ZNF44: variants seen among roughly 807,000 people sequenced by gnomAD.
ZNF44 encodes the protein gonadotropin inducible transcription repressor-2.
A neutral mutation model predicts 11.7 loss-of-function variants in ZNF44; 9 were observed. That is an observed-to-expected ratio of 0.77 (90% confidence interval 0.46 to 1.35). The LOEUF (loss-of-function observed/expected upper bound fraction) is 1.35. Ranked by LOEUF, ZNF44 falls within the 40% of genes most tolerant of loss-of-function variation. ZNF44 has a pLI of 0.00. For synonymous variants in ZNF44, 224 were observed against 242.7 expected, an observed-to-expected ratio of 0.92 and a Z score of 0.72; for missense variants, 696 against 743.1, an observed-to-expected ratio of 0.94 and a Z score of 0.74.
intron 5 of ZNF44, among the ~76,000 whole-genome samples, chr19:12,263,553 T>A (rs1413175464): frequency 6.6e-6 from 1 of 151,182 alleles, no homozygotes; most frequent in Non-Finnish European, 1.5e-5. Flanking sequence ...AAGATGGGAG[T>A]CCCTGAGGCT....
At chr19:12,247,767 T>C (rs748849832) in exon 8 of ZNF44, 3 of 1,310,942 alleles carry the variant, frequency 2.3e-6, no homozygotes, top group South Asian at 2.4e-5. Context: ...TCCACATTTT[T>C]TACACTCAAA....
At chr19:12,260,772 T>G (rs1189528972) in intron 5 of ZNF44, among the ~76,000 whole-genome samples, 1 of 152,074 alleles carries the variant, frequency 6.6e-6, no homozygotes, top group East Asian at 1.9e-4. Context: ...AGAACCAGAC[T>G]TGGTAGGGCT....
chr19:12,242,925 C>T (rs993390077), downstream of ZNF44: 3 of 152,240 alleles, frequency 2.0e-5, no homozygotes, highest in African/African-American at 7.2e-5. Context: ...ATAAAATATG[C>T]ACTGGATTGA....
At position 12,272,456 on chromosome 19, in the gene ZNF44, A is replaced by C; in HGVS notation, c.1799T>G (p.Leu600Arg). Reference protein sequence around the residue: ...CKECGKAFSSLSSFNRHKRTH... With the variant: ...CKECGKAFSSRSSFNRHKRTH... ...CCTTTTATGTCTATTAAAGGAACTG[A>C]GAGAACTGAAGGCTTTCCCACATTC... The change falls in exon 4 of 4, where the codon CTC becomes CGC. Residue 600 changes from leucine (L) to arginine (R), a missense_variant. Leu to Arg is a moderately radical substitution (Grantham distance 102). Transcript: ENST00000355684. The C allele has an allele frequency of 6.3e-7, 1 of 1,590,436 alleles. No homozygotes were observed. The highest frequency in any genetic ancestry group is 8.5e-7 in the Non-Finnish European group (1 of 1,171,476).
chr19:12,260,294 C>T, intron 5 of ZNF44: 1 of 853,902 alleles, frequency 1.2e-6, no homozygotes, highest in Non-Finnish European at 2.0e-6. Context: ...CAGCCGAGGA[C>T]AAAGGTGTGG....
intron 1 of ZNF44, chr19:12,284,981 C>T: frequency 2.8e-6 from 2 of 724,048 alleles, no homozygotes; most frequent in South Asian, 3.0e-5. Flanking sequence ...ACACCTCAGC[C>T]CGGGGCTGCA....
At chr19:12,253,186 G>A (rs1422220759) in intron 5 of ZNF44, among the ~76,000 whole-genome samples, 1 of 132,962 alleles carries the variant, frequency 7.5e-6, no homozygotes, top group Non-Finnish European at 1.6e-5. Context: ...ACTGCACCTG[G>A]CTTTTTTTTT....
intron 2 of ZNF44, among the ~76,000 whole-genome samples, chr19:12,234,034 C>G (rs975497205): frequency 6.6e-6 from 1 of 150,582 alleles, no homozygotes; most frequent in Non-Finnish European, 1.5e-5. Flanking sequence ...TGCACTCCAG[C>G]CTGGGGGACA....
downstream of ZNF44, among the ~76,000 whole-genome samples, chr19:12,269,120 T>C (rs1328955198): frequency 6.6e-6 from 1 of 151,268 alleles, no homozygotes; most frequent in Non-Finnish European, 1.5e-5. Flanking sequence ...CCAAAATCAC[T>C]GCACCCTGGA....
intron 5 of ZNF44, among the ~76,000 whole-genome samples, chr19:12,256,684 G>A (rs577415788): frequency 1.5e-4 from 22 of 149,244 alleles, no homozygotes; most frequent in African/African-American, 5.5e-4. Context: ...ACTGTCCCCA[G>A]AGAGCAATTA....
At chr19:12,232,609 A>C (rs1362138527) in intron 2 of ZNF44, among the ~76,000 whole-genome samples, 1 of 152,200 alleles carries the variant, frequency 6.6e-6, no homozygotes, top group Non-Finnish European at 1.5e-5. Context: ...CCCTTAATCC[A>C]TTTAACCCTG....
chr19:12,238,352 C>T (rs1009131302), upstream of ZNF44, among the ~76,000 whole-genome samples: 4 of 151,738 alleles, frequency 2.6e-5, no homozygotes, highest in African/African-American at 4.8e-5. Context: ...CTAGGCCAGG[C>T]GCGGTAGCTC....
At chr19:12,243,722 GT>G (rs1055035801), downstream of ZNF44, among the ~76,000 whole-genome samples, 1 of 148,474 alleles carries the variant, frequency 6.7e-6, no homozygotes. Flanking sequence ...GGTAGTTTTT[GT>G]TTTTTTTTGC....
chr19:12,258,305 G>C (rs1005982605), intron 5 of ZNF44, among the ~76,000 whole-genome samples: 2 of 133,586 alleles, frequency 1.5e-5, no homozygotes, highest in Non-Finnish European at 3.1e-5. Flanking sequence ...GGATTCCAGC[G>C]TGGGCAACAG....
downstream of ZNF44, among the ~76,000 whole-genome samples, chr19:12,269,605 C>T (rs1436786703): frequency 6.6e-6 from 1 of 152,202 alleles, no homozygotes; most frequent in Non-Finnish European, 1.5e-5. Context: ...TCAAGCGATC[C>T]TCCCACCTCA....
intron 5 of ZNF44, among the ~76,000 whole-genome samples, chr19:12,264,116 ACT>A (rs1378940422): frequency 1.5e-4 from 22 of 150,228 alleles, no homozygotes; most frequent in Admixed American, 1.4e-3. Context: ...CCTCAAATCC[ACT>A]GTCTAAAAAC....
chr19:12,285,251 A>ATTGT (rs576069020), intron 1 of ZNF44: 24 of 345,200 alleles, frequency 7.0e-5, no homozygotes, highest in Non-Finnish European at 1.2e-4. Context: ...ACATGTATGC[A>ATTGT]TTGTTTGTTT....
At chr19:12,248,571 C>A in exon 8 of ZNF44, 1 of 1,292,276 alleles carries the variant, frequency 7.7e-7, no homozygotes, top group South Asian at 1.2e-5. Flanking sequence ...CCAAAGCTTT[C>A]CTCCAGAAGG....
intron 5 of ZNF44, chr19:12,260,423 C>A: frequency 6.9e-7 from 1 of 1,442,296 alleles, no homozygotes; most frequent in South Asian, 1.2e-5. Context: ...TCCTCAAGAA[C>A]AAGTACCGCC....
Sources: allele counts gnomAD v4.1 joint callset (sites outside exome capture counted in the v4.1 genomes callset), GRCh38; gene constraint gnomAD v4.1.1; transcripts MANE v1.5; gene names NCBI Gene and HGNC (gene_info 2026-07-23, HGNC 2026-07-21).